Variants in KLHL8 observed in about 807,000 individuals in gnomAD.
KLHL8 encodes kelch-like protein 8.
KLHL8 carries 38 observed loss-of-function variants against 63.5 expected under a neutral mutation model. The ratio of observed to expected loss-of-function variants is 0.60; its 90% CI spans 0.46 to 0.78. The LOEUF (loss-of-function observed/expected upper bound fraction) is 0.78, where lower values mean the gene tolerates loss of function less well. Ranked by LOEUF, KLHL8 falls within the 30% of genes least tolerant of loss-of-function variation. KLHL8 has a pLI of 0.00. For missense variants in KLHL8, 566 were observed against 752.4 expected, an observed-to-expected ratio of 0.75 and a Z score of 2.90; for synonymous variants, 224 against 254.3, an observed-to-expected ratio of 0.88 and a Z score of 1.13.
chr4:87,233,498 G>A (rs1039209725), intron 1 of KLHL8, among the ~76,000 whole-genome samples: 72 of 152,032 alleles, frequency 4.7e-4, no homozygotes, highest in African/African-American at 1.5e-3. Flanking sequence ...GCTTGAATCC[G>A]GGAGGCAGAG....
At chr4:87,218,065 T>C (rs909812706) in intron 1 of KLHL8, among the ~76,000 whole-genome samples, 1 of 152,174 alleles carries the variant, frequency 6.6e-6, no homozygotes, top group African/African-American at 2.4e-5. Flanking sequence ...AACATGTCAA[T>C]GTAGGTTCAT....
At chr4:87,207,472 A>G in intron 1 of KLHL8, 1 of 753,216 alleles carries the variant, frequency 1.3e-6, no homozygotes, top group Non-Finnish European at 2.4e-6. Flanking sequence ...TGACGCCCCC[A>G]TGTTAGTGAT....
chr4:87,214,066 T>C (rs552625491), intron 1 of KLHL8, among the ~76,000 whole-genome samples: 16 of 152,318 alleles, frequency 1.1e-4, no homozygotes, highest in African/African-American at 3.6e-4. Context: ...TTATAAATTA[T>C]GTGATCCTGA....
chr4:87,235,822 C>A (rs1259632551), intron 1 of KLHL8, among the ~76,000 whole-genome samples: 1 of 151,924 alleles, frequency 6.6e-6, no homozygotes, highest in Non-Finnish European at 1.5e-5. Context: ...AATGACTTGG[C>A]ACCAGAAGGA....
At chr4:87,179,169 T>C (rs1418989619) in intron 4 of KLHL8, among the ~76,000 whole-genome samples, 2 of 152,182 alleles carry the variant, frequency 1.3e-5, no homozygotes, top group African/African-American at 2.4e-5. Context: ...CTCCACTTGA[T>C]GTCCCACAGA....
Position 87,162,880 on chromosome 4 carries a change from C to T in KLHL8, c.*639G>A, listed in dbSNP as rs978289419. On this transcript the variant is annotated 3_prime_UTR_variant, in exon 10 of 10. Coordinates refer to ENST00000273963, the MANE Select transcript of KLHL8 (RefSeq NM_020803.5). ...TTAGCCCAGCTAGGTCTTTTGGTGT[C>T]CTAGCAATTCAAACTGAAATTAAAG... 2 of 152,082 alleles carry T rather than the reference C, an allele frequency of 1.3e-5. No homozygotes were observed. The highest frequency in any genetic ancestry group is 2.9e-5 in the Non-Finnish European group (2 of 68,010). The allele number at this position is 152,082 out of a possible 1,614,324, so 9.4% of individuals were successfully genotyped here. A position where few individuals can be genotyped will look rare whatever the true frequency, so the allele number is the denominator to read the frequency against.
rs187514596 is a variant in KLHL8 at position 87,236,729 on chromosome 4, A to G, written n.57+3529T>C. On this transcript the variant is annotated intron_variant and non_coding_transcript_variant, in intron 1 of 1. Coordinates refer to the KLHL8 transcript ENST00000506274. The stretch of plus-strand genomic sequence containing the variant: ...ACCCAGGCTGGAGTGCAGTGACACA[A>G]TCTCAGCTCACTGCAAACTCTACCT... 1.6e-3 allele frequency among the ~76,000 whole-genome samples: 227 copies of G among 146,222 alleles called. 2 individuals are homozygous for G. The highest frequency in any genetic ancestry group is 5.4e-3 in the African/African-American group (211 of 38,994).
In KLHL8 at chr4:87,170,189, C is replaced by G. The variant is rs753925261; in HGVS notation, c.1427G>C (p.Ser476Thr). 6 of 1,613,932 alleles carry G rather than the reference C, an allele frequency of 3.7e-6. No homozygotes were observed. Among genetic ancestry groups the G allele is most frequent in the South Asian group, 1.1e-5 (1 of 91,044 alleles). The change falls in exon 8 of 10, where the codon AGC (serine) becomes ACC (threonine). Residue 476 changes from serine to threonine, a missense_variant. Coordinates refer to ENST00000273963, the MANE Select transcript of KLHL8 (RefSeq NM_020803.5). Reference sequence around the variant, plus strand: ...CAGATGTGGATCATATCTCTCCACGCTAGATAAAGAAGCCATTCCATCATT... The same window carrying G: ...CAGATGTGGATCATATCTCTCCACGGTAGATAAAGAAGCCATTCCATCATT... ...GGNDGMASLS[S>T]VERYDPHLDK...
chr4:87,209,144 T>C (rs962688289), intron 1 of KLHL8, among the ~76,000 whole-genome samples: 5 of 152,088 alleles, frequency 3.3e-5, no homozygotes, highest in African/African-American at 9.7e-5. Flanking sequence ...CAAGTAAATA[T>C]GTAATTCAAC....
At chr4:87,185,901 T>G in intron 2 of KLHL8, 102 bp from the exon 3 acceptor site, 1 of 940,986 alleles carries the variant, frequency 1.1e-6, no homozygotes, top group South Asian at 1.8e-5. Context: ...CCAGACAAAT[T>G]TAGAGTATCT....
intron 4 of KLHL8, 50 bp downstream of exon 4, chr4:87,183,153 C>G: frequency 7.2e-7 from 1 of 1,394,476 alleles, no homozygotes; most frequent in South Asian, 1.5e-5. Flanking sequence ...GAACAACCCT[C>G]AAATACAACA....
At chr4:87,177,337 C>G (rs1029534861) in intron 5 of KLHL8, among the ~76,000 whole-genome samples, 7 of 151,924 alleles carry the variant, frequency 4.6e-5, no homozygotes, top group Admixed American at 2.6e-4. Context: ...GAAAGCCCAT[C>G]TCTACTAAAA....
At chr4:87,207,439 G>A in intron 1 of KLHL8, 1 of 711,522 alleles carries the variant, frequency 1.4e-6, no homozygotes, top group Non-Finnish European at 2.6e-6. Flanking sequence ...AGCCAAAAGG[G>A]TCATCATCTC....
intron 4 of KLHL8, among the ~76,000 whole-genome samples, chr4:87,180,985 G>C (rs1731028895): frequency 6.6e-6 from 1 of 152,058 alleles, no homozygotes; most frequent in Non-Finnish European, 1.5e-5. Flanking sequence ...ACAGTGAGCT[G>C]TGATTGCACC....
At chr4:87,201,154 A>G (rs138904346) in intron 1 of KLHL8, among the ~76,000 whole-genome samples, 1,751 of 152,326 alleles carry the variant, frequency 0.011, 39 homozygotes, top group African/African-American at 0.04. Context: ...AATGGGTATC[A>G]TTTCAGTTTT....
chr4:87,213,821 A>G (rs370459466), intron 1 of KLHL8, among the ~76,000 whole-genome samples: 4 of 152,282 alleles, frequency 2.6e-5, no homozygotes, highest in South Asian at 2.1e-4. Flanking sequence ...CTTTTGAGAG[A>G]TATCTGTCAG....
At chr4:87,214,454 ATATAT>A (rs1560716502) in intron 1 of KLHL8, among the ~76,000 whole-genome samples, 4 of 116,618 alleles carry the variant, frequency 3.4e-5, no homozygotes, top group African/African-American at 1.3e-4. Flanking sequence ...ATATATATAT[ATATAT>A]AATTGTCATC....
upstream of KLHL8, among the ~76,000 whole-genome samples, chr4:87,222,832 C>T (rs12505448): frequency 0.25 from 38,417 of 152,040 alleles, 5,373 homozygotes; most frequent in Non-Finnish European, 0.31. Context: ...GATCCACTCG[C>T]CTCAGCCTCC....
At chr4:87,229,847 C>G (rs1275106391) in intron 1 of KLHL8, among the ~76,000 whole-genome samples, 3 of 152,080 alleles carry the variant, frequency 2.0e-5, no homozygotes, top group Non-Finnish European at 2.9e-5. Flanking sequence ...TCTCCTGCCT[C>G]AGCCTCCCAA....
Sources: allele counts gnomAD v4.1 joint callset (sites outside exome capture counted in the v4.1 genomes callset), GRCh38; gene constraint gnomAD v4.1.1; transcripts MANE v1.5; gene names NCBI Gene and HGNC (gene_info 2026-07-23, HGNC 2026-07-21).